Variants in UVRAG observed in about 807,000 individuals in gnomAD.
UVRAG encodes UV radiation resistance-associated gene protein.
A neutral mutation model predicts 78.0 loss-of-function variants in UVRAG; 19 were observed. The observed-to-expected ratio is 0.24, with a 90% CI of 0.17 to 0.36. UVRAG has a LOEUF of 0.36. Ranked by LOEUF, UVRAG falls within the 10% of genes least tolerant of loss-of-function variation. UVRAG has a pLI of 1.00. For synonymous variants in UVRAG, 323 were observed against 324.6 expected, an observed-to-expected ratio of 1.00 and a Z score of 0.05; for missense variants, 740 against 853.8, an observed-to-expected ratio of 0.87 and a Z score of 1.66.
At chr11:75,816,466 G>C (rs1453090475) in intron 1 of UVRAG, among the ~76,000 whole-genome samples, 2 of 152,216 alleles carry the variant, frequency 1.3e-5, no homozygotes, top group Non-Finnish European at 2.9e-5. Context: ...AGGATCTAGA[G>C]AAACTGTCAT....
chr11:76,128,093 G>A (rs2134493366), intron 14 of UVRAG, among the ~76,000 whole-genome samples: 1 of 152,260 alleles, frequency 6.6e-6, no homozygotes, highest in Admixed American at 6.5e-5. Flanking sequence ...ATTAGCACTG[G>A]GGTCCCCAAC....
chr11:75,989,616 G>A (rs1949567798), intron 8 of UVRAG, among the ~76,000 whole-genome samples: 1 of 152,130 alleles, frequency 6.6e-6, no homozygotes, highest in Non-Finnish European at 1.5e-5. Flanking sequence ...CTCTATACTT[G>A]CTTTTATGAG....
chr11:75,993,910 G>T (rs761803919), intron 8 of UVRAG, among the ~76,000 whole-genome samples: 1 of 152,076 alleles, frequency 6.6e-6, no homozygotes, highest in Non-Finnish European at 1.5e-5. Flanking sequence ...TGGAAGTGAG[G>T]GGGGTGGGGA....
chr11:75,886,485 TTA>T lies in UVRAG; in HGVS notation c.433-2342_433-2341del, dbSNP rs373050993. Among the ~76,000 whole-genome samples the T allele has an allele frequency of 5.2e-4, 79 of 152,360 alleles. 1 individual carries two copies. The South Asian group carries it at 0.011, about 20-fold the overall frequency. The stretch of plus-strand genomic sequence containing the variant: ...CCAGGTATATATGTGTAAAAATGTT[TTA>T]TGTTTATTAAATTTCAGGATCCTTC... On this transcript the variant is annotated intron_variant, in intron 4 of 14. Transcript: ENST00000356136.
At position 75,892,248 on chromosome 11, in the gene UVRAG, G is replaced by A. The variant is rs911973644; in HGVS notation, c.507+3345G>A. On this transcript the variant is annotated intron_variant, in intron 5 of 14. Transcript: ENST00000356136. ...AGTCACACACAGGTCCATCTCTGAA[G>A]CCCAGCCATCAGATCAGTCATCTGC... The A allele has an allele frequency of 7.7e-5, 63 of 814,758 alleles. No homozygotes were observed. The African/African-American group carries it at 1.1e-3, about 15-fold the overall frequency. 50.5% of individuals were successfully genotyped at this position (814,758 alleles called of 1,614,324 possible). A position where few individuals can be genotyped will look rare whatever the true frequency, so the allele number is the denominator to read the frequency against.
At chr11:75,953,732 C>T (rs577005541) in intron 6 of UVRAG, among the ~76,000 whole-genome samples, 2 of 152,102 alleles carry the variant, frequency 1.3e-5, no homozygotes, top group East Asian at 1.9e-4. Flanking sequence ...AATATATAGC[C>T]TCAAAGCACT....
chr11:75,866,357 C>CAATAAATAAATAAATA (rs376334935), intron 3 of UVRAG, among the ~76,000 whole-genome samples: 13 of 148,706 alleles, frequency 8.7e-5, no homozygotes, highest in African/African-American at 3.4e-4. Flanking sequence ...CCCATCTCTA[C>CAATAAATAAATAAATA]AATAAATAAA....
intron 7 of UVRAG, among the ~76,000 whole-genome samples, chr11:75,977,131 G>C (rs566291604): frequency 1.2e-3 from 176 of 152,262 alleles, no homozygotes; most frequent in African/African-American, 3.9e-3. Flanking sequence ...TATGTACCCA[G>C]TAGTCATTCA....
chr11:75,883,403 A>C (rs1439080904), intron 4 of UVRAG, among the ~76,000 whole-genome samples: 1 of 151,928 alleles, frequency 6.6e-6, no homozygotes, highest in Non-Finnish European at 1.5e-5. Context: ...AAAAAAAAGA[A>C]AAAACATGTT....
intron 6 of UVRAG, among the ~76,000 whole-genome samples, chr11:75,919,756 C>T (rs757459116): frequency 1.3e-5 from 2 of 152,092 alleles, no homozygotes; most frequent in African/African-American, 4.8e-5. Context: ...AATGCTGTCT[C>T]CATTTAACAG....
intron 1 of UVRAG, among the ~76,000 whole-genome samples, chr11:75,828,754 CATATAT>C (rs776673600): frequency 2.0e-4 from 16 of 78,380 alleles, no homozygotes; most frequent in Admixed American, 5.5e-4. Flanking sequence ...TATACACACA[CATATAT>C]ATATATATAT....
At chr11:75,841,638 A>G (rs1246695157) in intron 1 of UVRAG, among the ~76,000 whole-genome samples, 1 of 152,192 alleles carries the variant, frequency 6.6e-6, no homozygotes, top group East Asian at 1.9e-4. Flanking sequence ...GAATAAACAT[A>G]TTTGAACACA....
At chr11:76,076,473 G>C (rs989776458) in intron 13 of UVRAG, among the ~76,000 whole-genome samples, 2 of 152,146 alleles carry the variant, frequency 1.3e-5, no homozygotes, top group African/African-American at 4.8e-5. Context: ...CACAAGAACA[G>C]CACAGGAAAG....
intron 5 of UVRAG, among the ~76,000 whole-genome samples, chr11:75,891,775 G>A (rs1164057346): frequency 2.0e-5 from 3 of 152,154 alleles, no homozygotes; most frequent in Admixed American, 1.3e-4. Context: ...TTAGCCAGGT[G>A]TGGTGACACG....
intron 1 of UVRAG, among the ~76,000 whole-genome samples, chr11:75,823,769 T>C (rs1013322793): frequency 1.3e-5 from 2 of 152,244 alleles, no homozygotes; most frequent in African/African-American, 4.8e-5. Context: ...CATCAGGCTT[T>C]ATATTTTATT....
intron 6 of UVRAG, among the ~76,000 whole-genome samples, chr11:75,931,608 T>C (rs186878799): frequency 6.6e-6 from 1 of 152,338 alleles, no homozygotes; most frequent in African/African-American, 2.4e-5. Context: ...CTTGACCCAG[T>C]CACAGCCCTT....
chr11:75,893,048 G>A (rs1482401649), intron 5 of UVRAG, among the ~76,000 whole-genome samples: 3 of 151,706 alleles, frequency 2.0e-5, no homozygotes, highest in Non-Finnish European at 4.4e-5. Context: ...CATAGTGGCG[G>A]GTGCCTGTAA....
intron 13 of UVRAG, among the ~76,000 whole-genome samples, chr11:76,110,403 A>G (rs1281406188): frequency 6.6e-6 from 1 of 152,152 alleles, no homozygotes; most frequent in Non-Finnish European, 1.5e-5. Context: ...GACTTATTCA[A>G]AGTCAAACAA....
At chr11:76,007,432 C>G in intron 9 of UVRAG, 102 bp from the exon 10 acceptor site, 3 of 904,696 alleles carry the variant, frequency 3.3e-6, no homozygotes, top group Non-Finnish European at 3.4e-6. Context: ...TGGCCTATTA[C>G]AGACAGTATA....
Sources: allele counts gnomAD v4.1 joint callset (sites outside exome capture counted in the v4.1 genomes callset), GRCh38; gene constraint gnomAD v4.1.1; transcripts MANE v1.5; gene names NCBI Gene and HGNC (gene_info 2026-07-23, HGNC 2026-07-21).